The following RTN4IP1 variants were observed in gnomAD, a reference collection of about 807,000 sequenced individuals.
The protein encoded by RTN4IP1 is reticulon 4 interacting protein 1, also known as NAD(P)H oxidoreductase RTN4IP1, mitochondrial.
In RTN4IP1, 32 loss-of-function variants were observed where a neutral mutation model predicts 46.6. The observed-to-expected ratio is 0.69, with a 90% confidence interval of 0.52 to 0.92. The LOEUF is 0.92. Among genes scored for constraint, RTN4IP1 ranks in the 40% least tolerant of loss-of-function variants. The pLI is 0.00. For synonymous variants in RTN4IP1, 167 were observed against 161.8 expected, an observed-to-expected ratio of 1.03 and a Z score of -0.24; for missense variants, 424 against 485.8, an observed-to-expected ratio of 0.87 and a Z score of 1.20.
At chr6:106,586,037 A>G (rs1341912846) in intron 7 of RTN4IP1, among the ~76,000 whole-genome samples, 1 of 152,154 alleles carries the variant, frequency 6.6e-6, no homozygotes, top group African/African-American at 2.4e-5. Context: ...AAAATAAAGA[A>G]CACCACAGTG....
At chr6:106,628,537 C>T (rs1014677180) in intron 1 of RTN4IP1, among the ~76,000 whole-genome samples, 20 of 151,754 alleles carry the variant, frequency 1.3e-4, no homozygotes, top group Middle Eastern at 3.2e-3. Context: ...CGCATGAAAA[C>T]AATCAAGCTT....
intron 5 of RTN4IP1, 127 bp from the exon 6 acceptor site, chr6:106,592,427 C>G: frequency 1.0e-6 from 1 of 955,918 alleles, no homozygotes; most frequent in Non-Finnish European, 1.5e-6. Context: ...ACTTTAAGTA[C>G]GTCATCTTAA....
Position 106,625,661 on chromosome 6 carries a change from C to CTT in RTN4IP1, c.275-2694_275-2693dup, listed in dbSNP as rs773454257. On this transcript the variant is annotated intron_variant, in intron 1 of 8. Coordinates refer to ENST00000369063, the MANE Select transcript of RTN4IP1 (RefSeq NM_032730.5). Reference sequence around the variant, plus strand: ...TTTGAGTGGCTTTTTTCTTTTTTTTCTTTTTTTTTTTTTTTTTTTTGAGAC... The same window carrying CTT: ...TTTGAGTGGCTTTTTTCTTTTTTTTCTTTTTTTTTTTTTTTTTTTTTTGAGAC... Among the ~76,000 whole-genome samples the CTT allele has an allele frequency of 1.5e-3, 170 of 112,772 alleles. 1 individual carries two copies. Among genetic ancestry groups the CTT allele is most frequent in the South Asian group, 4.6e-3 (15 of 3,230 alleles). 74.0% of individuals were successfully genotyped at this position (112,772 alleles called of 152,430 possible).
At chr6:106,580,722 G>GAAA (rs559035213) in intron 8 of RTN4IP1, among the ~76,000 whole-genome samples, 1 of 89,674 alleles carries the variant, frequency 1.1e-5, no homozygotes, top group Non-Finnish European at 2.4e-5. Flanking sequence ...CTGTCTCAAA[G>GAAA]AAAAAAAAAA....
At chr6:106,624,935 C>CAA (rs1329840633) in intron 1 of RTN4IP1, among the ~76,000 whole-genome samples, 19 of 47,996 alleles carry the variant, frequency 4.0e-4, no homozygotes, top group African/African-American at 5.5e-4. Context: ...AGCTCTGTCT[C>CAA]AAAAAAAAAA....
At chr6:106,625,770 T>G (rs747798995) in intron 1 of RTN4IP1, among the ~76,000 whole-genome samples, 6 of 151,350 alleles carry the variant, frequency 4.0e-5, no homozygotes, top group Non-Finnish European at 7.4e-5. Flanking sequence ...TTCAAGCGAT[T>G]CTGCTGTCTC....
chr6:106,605,814 CCCAAAAAAAAAAA>C (rs1485289093), intron 4 of RTN4IP1, among the ~76,000 whole-genome samples: 12 of 96,738 alleles, frequency 1.2e-4, no homozygotes, highest in East Asian at 3.4e-4. Flanking sequence ...AAGACTCTGT[CCCAAAAAAAAAAA>C]AAAAAAAAAA....
rs561116263 is a variant in RTN4IP1 at position 106,596,458 on chromosome 6, C to A, written c.670-4158G>T. Reference sequence around the variant, plus strand: ...AATTAGCTGGGCATGGTGGCATGTGCCTGTAGTTCTACCTACTCAGGAGTT... The same window carrying A: ...AATTAGCTGGGCATGGTGGCATGTGACTGTAGTTCTACCTACTCAGGAGTT... On this transcript the variant is annotated intron_variant, in intron 5 of 8. Transcript: ENST00000369063. Among the ~76,000 whole-genome samples, 23 of 152,242 alleles carry A rather than the reference C, an allele frequency of 1.5e-4. No individual in the cohort carries two copies. The South Asian group carries it at 4.8e-3, about 32-fold the overall frequency.
chr6:106,602,763 C>T, intron 5 of RTN4IP1, 111 bp downstream of exon 5: 1 of 651,830 alleles, frequency 1.5e-6, no homozygotes, highest in Non-Finnish European at 2.6e-6. Context: ...AATTACAGTA[C>T]ATTTACCAGA....
rs1246475973 is a variant in RTN4IP1, at chr6:106,592,224, G to A, written c.746C>T (p.Ala249Val). The A allele has an allele frequency of 1.2e-6, 2 of 1,614,008 alleles. No individual in the cohort carries two copies. Among genetic ancestry groups the A allele is most frequent in the Non-Finnish European group, 1.7e-6 (2 of 1,179,964 alleles). Reference sequence around the variant, plus strand: ...AGATTTGTAATCAATTACATCGTCTGCACCAAGCTTCCTTACAAGTTCACT... The same window carrying A: ...AGATTTGTAATCAATTACATCGTCTACACCAAGCTTCCTTACAAGTTCACT... ...DASELVRKLG[A>V]DDVIDYKSGS... is the part of the protein sequence containing the mutation. Residue 249 changes from alanine to valine, a missense_variant, in exon 6 of 9, where the codon GCA (alanine) becomes GTA (valine). Transcript: ENST00000369063.
At chr6:106,584,370 G>A (rs906391426) in intron 7 of RTN4IP1, among the ~76,000 whole-genome samples, 1 of 152,172 alleles carries the variant, frequency 6.6e-6, no homozygotes, top group Non-Finnish European at 1.5e-5. Flanking sequence ...TGAGGTAGCA[G>A]AGGGTCAGCC....
chr6:106,571,740 C>A lies in RTN4IP1; in HGVS notation c.*256G>T. The A allele has an allele frequency of 2.5e-6, 1 of 397,788 alleles. No individual in the cohort carries two copies. The highest frequency in any genetic ancestry group is 4.9e-5 in the East Asian group (1 of 20,204). The allele number at this position is 397,788 out of a possible 1,614,324, so 24.6% of individuals were successfully genotyped here. A position where few individuals can be genotyped will look rare whatever the true frequency, so the allele number is the denominator to read the frequency against. The stretch of plus-strand genomic sequence containing the variant: ...GTTTAAGCTAGTAAAACAGAAGGTG[C>A]CACAACAACCTGCAAAGCCAGTGTG... On this transcript the variant is annotated 3_prime_UTR_variant, in exon 9 of 9. Transcript: ENST00000369063.
chr6:106,609,391 C>T (rs754238227), intron 4 of RTN4IP1, among the ~76,000 whole-genome samples: 47 of 151,854 alleles, frequency 3.1e-4, no homozygotes, highest in Non-Finnish European at 5.4e-4. Context: ...CACATCTCTA[C>T]GAAAAATAAA....
intron 1 of RTN4IP1, among the ~76,000 whole-genome samples, chr6:106,627,141 GA>G (rs11387767): frequency 6.8e-6 from 1 of 146,860 alleles, no homozygotes. Flanking sequence ...AAAGGTAGGA[GA>G]AAAAAAAAAA....
At chr6:106,623,004 T>G (rs773094986) in intron 1 of RTN4IP1, 35 bp from the exon 2 acceptor site, 1 of 1,605,712 alleles carries the variant, frequency 6.2e-7, no homozygotes. Context: ...CCTCCAAATG[T>G]AAGTATGAAA....
At chr6:106,604,811 T>C (rs1349325523) in intron 4 of RTN4IP1, among the ~76,000 whole-genome samples, 1 of 152,150 alleles carries the variant, frequency 6.6e-6, no homozygotes, top group Non-Finnish European at 1.5e-5. Context: ...GCATCACCCA[T>C]TTGGCCCTTC....
chr6:106,609,201 C>G lies in RTN4IP1; in HGVS notation c.621-6279G>C, dbSNP rs1424658348. 3.3e-5 allele frequency among the ~76,000 whole-genome samples: 5 copies of G among 152,196 alleles called. No homozygotes were observed. In the East Asian group the frequency reaches 5.8e-4, roughly 18 times the overall value. On this transcript the variant is annotated intron_variant, in intron 4 of 8. Coordinates refer to ENST00000369063, the MANE Select transcript of RTN4IP1 (RefSeq NM_032730.5). ...TTAAGGTCAGAGACTTCATATTATG[C>G]CCTGCATTGGCCACAGTGCCCTGGA...
At chr6:106,589,668 G>T (rs1311267010) in intron 6 of RTN4IP1, among the ~76,000 whole-genome samples, 1 of 152,080 alleles carries the variant, frequency 6.6e-6, no homozygotes, top group South Asian at 2.1e-4. Context: ...TGGACTGAAG[G>T]ATTTCAAAGC....
chr6:106,615,181 A>G (rs940594223), intron 4 of RTN4IP1, among the ~76,000 whole-genome samples: 1 of 152,118 alleles, frequency 6.6e-6, no homozygotes, highest in African/African-American at 2.4e-5. Context: ...CAAAAGGGTA[A>G]TGGGCTTGGG....
Sources: allele counts gnomAD v4.1 joint callset (sites outside exome capture counted in the v4.1 genomes callset), GRCh38; gene constraint gnomAD v4.1.1; transcripts MANE v1.5; gene names NCBI Gene and HGNC (gene_info 2026-07-23, HGNC 2026-07-21).